Variants in ZNF516 observed in about 807,000 individuals in gnomAD.
ZNF516 encodes the protein zinc finger protein 516.
In ZNF516, 19 loss-of-function variants were observed where a neutral mutation model predicts 79.7. The observed-to-expected ratio is 0.24, with a 90% CI of 0.17 to 0.35. ZNF516 has a LOEUF of 0.35. Ranked by LOEUF, ZNF516 falls within the 10% of genes least tolerant of loss-of-function variation. ZNF516 has a pLI of 1.00. For synonymous variants in ZNF516, 877 were observed against 739.5 expected, an observed-to-expected ratio of 1.19 and a Z score of -3.02; for missense variants, 1,678 against 1,679.5, an observed-to-expected ratio of 1.00 and a Z score of 0.02.
chr18:76,391,458 C>A (rs73978104), intron 3 of ZNF516, among the ~76,000 whole-genome samples: 2,588 of 152,252 alleles, frequency 0.017, 73 homozygotes, highest in African/African-American at 0.057. Flanking sequence ...CCAACTCTAA[C>A]CCTAACCCCT....
intron 6 of ZNF516, among the ~76,000 whole-genome samples, chr18:76,364,497 T>TGAA (rs2074584609): frequency 6.6e-6 from 1 of 152,226 alleles, no homozygotes; most frequent in Non-Finnish European, 1.5e-5. Flanking sequence ...TTTTCTTTTC[T>TGAA]GCAGCTGTGA....
chr18:76,467,469 G>A lies in ZNF516; in HGVS notation c.-271-4328C>T, dbSNP rs1468952643. On this transcript the variant is annotated intron_variant, in intron 1 of 6. Transcript: ENST00000443185. The surrounding 1 kb of genome is among the most constrained non-coding windows in gnomAD (Gnocchi z 4.2). ...CCTGAGATCTCTCTCGCCCTAACTA[G>A]ATATTAAGCACACCTCGGGGGCAGT... 6.6e-6 allele frequency among the ~76,000 whole-genome samples: 1 copy of A among 152,188 alleles called. No homozygotes were observed. The highest frequency in any genetic ancestry group is 1.5e-5 in the Non-Finnish European group (1 of 68,028).
At chr18:76,436,061 T>C (rs934793763) in intron 3 of ZNF516, among the ~76,000 whole-genome samples, 4 of 152,216 alleles carry the variant, frequency 2.6e-5, no homozygotes, top group Admixed American at 1.3e-4. Flanking sequence ...GAACATTTAT[T>C]AGATATTATG....
At chr18:76,477,622 C>CT (rs1265613318) in intron 1 of ZNF516, among the ~76,000 whole-genome samples, 4 of 152,112 alleles carry the variant, frequency 2.6e-5, no homozygotes. Context: ...CAATTTTATA[C>CT]TTTAAATCCC....
chr18:76,469,759 A>G (rs1333165659), intron 1 of ZNF516, among the ~76,000 whole-genome samples: 1 of 152,244 alleles, frequency 6.6e-6, no homozygotes, highest in Non-Finnish European at 1.5e-5. Context: ...GAGCTGCCTC[A>G]TGTGTCTTTC....
rs1401326324 is a variant in ZNF516, at chr18:76,441,350, T to C, written c.1705A>G (p.Ser569Gly). The change falls in exon 3 of 7, where the codon AGC becomes GGC. Residue 569 changes from serine (S) to glycine (G), a missense_variant. By Grantham distance (56) the Ser-to-Gly change is moderately conservative (BLOSUM62 0). Coordinates refer to ENST00000443185, the MANE Select transcript of ZNF516 (RefSeq NM_014643.4). ...GCGGCACAGGCGGAGCCAGGGCTGCTGGGCTGGGAGGCCGAGTCACCCTCA... is the reference window on the plus strand; with the variant it reads ...GCGGCACAGGCGGAGCCAGGGCTGCCGGGCTGGGAGGCCGAGTCACCCTCA... The part of the protein sequence containing the change: ...LSEGDSASQP[S>G]SPGSACAAAD... 6.2e-6 allele frequency: 10 copies of C among 1,611,516 alleles called. No homozygotes were observed. Among genetic ancestry groups the C allele is most frequent in the Non-Finnish European group, 8.5e-6 (10 of 1,179,396 alleles).
intron 3 of ZNF516, chr18:76,385,767 C>T (rs1479907888): frequency 6.8e-6 from 1 of 147,948 alleles, no homozygotes; most frequent in East Asian, 2.0e-4. Context: ...TGTAGGGTGC[C>T]ACTGCACTGC....
intron 2 of ZNF516, among the ~76,000 whole-genome samples, chr18:76,457,243 TA>T (rs1183782777): frequency 1.3e-5 from 2 of 152,260 alleles, no homozygotes; most frequent in East Asian, 3.8e-4. Flanking sequence ...TCAGGATTTA[TA>T]AACAATTTTA....
At chr18:76,480,788 C>T (rs188269001) in intron 1 of ZNF516, among the ~76,000 whole-genome samples, 13 of 152,294 alleles carry the variant, frequency 8.5e-5, no homozygotes, top group Admixed American at 2.0e-4. Context: ...TCCCAAAATG[C>T]TGGGATTACA....
intron 1 of ZNF516, among the ~76,000 whole-genome samples, chr18:76,482,173 G>A (rs1342306174): frequency 6.6e-6 from 1 of 152,158 alleles, no homozygotes; most frequent in Non-Finnish European, 1.5e-5. Flanking sequence ...CACATCAACG[G>A]CCATGTTTTG....
chr18:76,425,261 G>A (rs1055612052), intron 3 of ZNF516, among the ~76,000 whole-genome samples: 1 of 152,158 alleles, frequency 6.6e-6, no homozygotes, highest in Non-Finnish European at 1.5e-5. Flanking sequence ...CATTTGCCCC[G>A]TGGAATCTAC....
intron 2 of ZNF516, among the ~76,000 whole-genome samples, chr18:76,457,796 TAATC>T (rs368469730): frequency 2.6e-5 from 4 of 152,246 alleles, no homozygotes; most frequent in African/African-American, 9.6e-5. Flanking sequence ...GTGCCAGAAA[TAATC>T]AACATTTTTT....
At chr18:76,431,070 A>G (rs1051821834) in intron 3 of ZNF516, among the ~76,000 whole-genome samples, 1 of 152,240 alleles carries the variant, frequency 6.6e-6, no homozygotes, top group Non-Finnish European at 1.5e-5. Flanking sequence ...AATCCATTTT[A>G]ATATGCAAAG....
At chr18:76,479,334 T>C (rs7239142) in intron 1 of ZNF516, among the ~76,000 whole-genome samples, 36,885 of 152,120 alleles carry the variant, frequency 0.24, 5,515 homozygotes, top group African/African-American at 0.42. Context: ...ACAGAAATTG[T>C]TCGGGAAAAG....
At position 76,441,364 on chromosome 18, in the gene ZNF516, G is replaced by C. The variant is rs569947953; in HGVS notation, c.1691C>G (p.Ser564Trp). The C allele has an allele frequency of 1.6e-5, 26 of 1,611,148 alleles. No homozygotes were observed. Among genetic ancestry groups the C allele is most frequent in the Non-Finnish European group, 2.1e-5 (25 of 1,179,340 alleles). ...ARCGSLSEGD[S>W]ASQPSSPGSA... is the part of the protein sequence containing the mutation. ...GCCAGGGCTGCTGGGCTGGGAGGCC[G>C]AGTCACCCTCACTGAGTGATCCGCA... Residue 564 changes from serine (S) to tryptophan (W), a missense_variant, in exon 3 of 7, where the codon TCG becomes TGG. Transcript: ENST00000443185.
At chr18:76,476,266 T>G (rs973940374) in intron 1 of ZNF516, among the ~76,000 whole-genome samples, 16 of 152,236 alleles carry the variant, frequency 1.1e-4, no homozygotes, top group African/African-American at 3.6e-4. Flanking sequence ...AGAAAGGTGC[T>G]AAATGTTCAC....
chr18:76,362,646 C>CATCCAAG lies in ZNF516; in HGVS notation c.3433-96_3433-90dup, dbSNP rs1366998772. On this transcript the variant is annotated intron_variant, in intron 6 of 6. Transcript: ENST00000443185. ...TTTTTCCTATTAATTTTCTAATCAA[C>CATCCAAG]ATCCAAGAACACAAACAATGACCTT... The CATCCAAG allele has an allele frequency of 9.8e-5, 127 of 1,301,236 alleles. No homozygotes were observed. In the South Asian group the frequency reaches 1.6e-3, roughly 16 times the overall value. The allele number at this position is 1,301,236 out of a possible 1,614,324, so 80.6% of individuals were successfully genotyped here.
chr18:76,478,041 G>C (rs1285015331), intron 1 of ZNF516, among the ~76,000 whole-genome samples: 1 of 151,222 alleles, frequency 6.6e-6, no homozygotes, highest in African/African-American at 2.4e-5. Flanking sequence ...TCCCACGAAT[G>C]GATCTCCTAA....
intron 1 of ZNF516, among the ~76,000 whole-genome samples, chr18:76,470,059 G>A (rs1314798811): frequency 6.6e-6 from 1 of 152,112 alleles, no homozygotes; most frequent in Non-Finnish European, 1.5e-5. Context: ...TCCCAAATAA[G>A]GATGTCAGAG....
Sources: gnomAD v4.1 joint callset for allele counts (sites outside exome capture counted in the v4.1 genomes callset) on GRCh38, gnomAD v4.1.1 for gene constraint, Gnocchi (gnomAD v3.1) non-coding constraint, MANE v1.5 for transcripts, NCBI Gene and HGNC (gene_info 2026-07-23, HGNC 2026-07-21) for gene names.